The following ARRB1 variants were observed in gnomAD, a reference collection of about 807,000 sequenced individuals.
ARRB1 encodes arrestin beta 1.
ARRB1 carries 21 observed loss-of-function variants against 56.8 expected under a neutral mutation model. The observed-to-expected ratio is 0.37, with a 90% CI of 0.26 to 0.53. ARRB1 has a LOEUF of 0.53. Among genes scored for constraint, ARRB1 ranks in the 20% least tolerant of loss-of-function variants. The pLI, the probability that ARRB1 is intolerant of heterozygous loss-of-function variation, is 0.88. For synonymous variants in ARRB1, 210 were observed against 218.6 expected, an observed-to-expected ratio of 0.96 and a Z score of 0.35; for missense variants, 424 against 553.7, an observed-to-expected ratio of 0.77 and a Z score of 2.35.
intron 2 of ARRB1, among the ~76,000 whole-genome samples, chr11:75,287,685 G>A (rs573521297): frequency 2.0e-5 from 3 of 152,314 alleles, no homozygotes; most frequent in African/African-American, 4.8e-5. Flanking sequence ...GAGCAGCAGC[G>A]GCAGAGAAGC....
chr11:75,334,150 T>C (rs1947564667), intron 1 of ARRB1, among the ~76,000 whole-genome samples: 2 of 151,964 alleles, frequency 1.3e-5, no homozygotes, highest in Non-Finnish European at 2.9e-5. Context: ...ACCAACATGG[T>C]GAAACCTCAT....
At chr11:75,311,667 A>G (rs1336392412) in intron 1 of ARRB1, among the ~76,000 whole-genome samples, 3 of 152,212 alleles carry the variant, frequency 2.0e-5, no homozygotes, top group Non-Finnish European at 4.4e-5. Flanking sequence ...CCTGCCACAC[A>G]CAGGCAAACA....
In ARRB1 at chr11:75,263,167, C is replaced by T. The variant is rs1945836466; in HGVS notation, c.*2996G>A. ...TGGTGCCTGGGGCCTAGTGAGGCTC[C>T]CCCACCCCTAGTTTCACTTCAAGGT... is the stretch of plus-strand genomic sequence containing the variant. On this transcript the variant is annotated 3_prime_UTR_variant, in exon 16 of 16. Coordinates refer to ENST00000420843, the MANE Select transcript of ARRB1 (RefSeq NM_004041.5). Among the ~76,000 whole-genome samples the T allele has an allele frequency of 6.6e-6, 1 of 152,182 alleles. No individual in the cohort carries two copies. The highest frequency in any genetic ancestry group is 1.9e-4 in the East Asian group (1 of 5,192).
At chr11:75,290,420 C>T (rs987408628) in intron 1 of ARRB1, among the ~76,000 whole-genome samples, 5 of 152,194 alleles carry the variant, frequency 3.3e-5, no homozygotes, top group South Asian at 2.1e-4. Flanking sequence ...TCTCCAGCCA[C>T]ATCTACCCCC....
At chr11:75,266,967 T>C (rs960953811) in intron 15 of ARRB1, among the ~76,000 whole-genome samples, 2 of 152,172 alleles carry the variant, frequency 1.3e-5, no homozygotes, top group Non-Finnish European at 2.9e-5. Flanking sequence ...CGAGTTCCCT[T>C]CTACCATGAA....
chr11:75,273,065 C>T (rs1946106759), intron 11 of ARRB1, 87 bp from the exon 12 acceptor site: 6 of 1,127,526 alleles, frequency 5.3e-6, no homozygotes, highest in Middle Eastern at 1.9e-4. Flanking sequence ...GGGCAGTGGC[C>T]GTCCATCCCC....
rs1947852508 is a variant in ARRB1 at position 75,351,593 on chromosome 11, C to G, written c.15G>C (p.Gly5=). The G allele has an allele frequency of 1.4e-6, 2 of 1,469,384 alleles. No homozygotes were observed. Among genetic ancestry groups the G allele is most frequent in the Non-Finnish European group, 1.8e-6 (2 of 1,115,392 alleles). The allele number at this position is 1,469,384 out of a possible 1,614,324, so 91.0% of individuals were successfully genotyped here. MGDK[G]TRVFKKASPN... The stretch of plus-strand genomic sequence containing the variant: ...GGCGGCCGCCCTGCACTCACCGGGT[C>G]CCTTTGTCGCCCATGGTCCGCGACG... Residue 5 remains glycine, a synonymous_variant, in exon 1 of 16, where the codon GGG becomes GGC. Transcript: ENST00000420843.
rs942641267 is a variant in ARRB1 at position 75,261,186 on chromosome 11, G to T, written c.*4977C>A. ...GAAAAACCATCAACTATGTACGTGT[G>T]TGTGTGTGTGTGTGTGTGTGTGTGT... On this transcript the variant is annotated 3_prime_UTR_variant, in exon 16 of 16. Coordinates refer to ENST00000420843, the MANE Select transcript of ARRB1 (RefSeq NM_004041.5). 2.0e-4 allele frequency: 19 copies of T among 92,966 alleles called. No homozygotes were observed. Among genetic ancestry groups the T allele is most frequent in the African/African-American group, 9.6e-4 (18 of 18,666 alleles). The allele number at this position is 92,966 out of a possible 1,614,324, so 5.8% of individuals were successfully genotyped here.
Position 75,272,894 on chromosome 11 carries a change from C to G in ARRB1, c.998+1G>C. On this transcript the variant is annotated splice_donor_variant, in intron 12 of 15. Transcript: ENST00000420843. LOFTEE classifies it high-confidence loss of function. Reference sequence around the variant, plus strand: ...GTCTTGGGCTTGGCTGGAGCACTCACCCGCCCCGAGACACCACCAGCTTCA... The same window carrying G: ...GTCTTGGGCTTGGCTGGAGCACTCAGCCGCCCCGAGACACCACCAGCTTCA... The G allele has an allele frequency of 1.2e-6, 2 of 1,613,990 alleles. No homozygotes were observed. Among genetic ancestry groups the G allele is most frequent in the Non-Finnish European group, 1.7e-6 (2 of 1,179,940 alleles).
At chr11:75,297,863 T>TTAAAAA (rs1946794240) in intron 1 of ARRB1, among the ~76,000 whole-genome samples, 1 of 702 alleles carries the variant, frequency 1.4e-3, no homozygotes, top group Non-Finnish European at 2.2e-3. Context: ...AGACTTTGTC[T>TTAAAAA]CAAAAAAAAA....
chr11:75,275,183 G>A (rs537850341), intron 10 of ARRB1, among the ~76,000 whole-genome samples: 48 of 111,112 alleles, frequency 4.3e-4, no homozygotes, highest in African/African-American at 1.7e-3. Flanking sequence ...GTCTTGCTCT[G>A]TCGCCCAGGC....
chr11:75,351,152 A>T (rs1459171907), intron 1 of ARRB1, among the ~76,000 whole-genome samples: 2 of 152,216 alleles, frequency 1.3e-5, no homozygotes, highest in African/African-American at 4.8e-5. Flanking sequence ...TGTGCATGCC[A>T]ACAAGGCTGT....
At chr11:75,294,691 A>T (rs1473216276) in intron 1 of ARRB1, among the ~76,000 whole-genome samples, 1 of 152,178 alleles carries the variant, frequency 6.6e-6, no homozygotes, top group Non-Finnish European at 1.5e-5. Flanking sequence ...TATAATAGAC[A>T]TTACTATATT....
intron 1 of ARRB1, among the ~76,000 whole-genome samples, chr11:75,326,426 T>C (rs1038571827): frequency 4.6e-4 from 70 of 152,348 alleles, no homozygotes; most frequent in African/African-American, 1.6e-3. Flanking sequence ...AATGGAAACA[T>C]TAAGATTCCC....
At position 75,265,955 on chromosome 11, in the gene ARRB1, G is replaced by A; in HGVS notation, c.*208C>T. ...GAGTGGAGATGGCAGAGATGGGGTG[G>A]AGCCAGTGCGCTGTGGTCCTGTTGG... On this transcript the variant is annotated 3_prime_UTR_variant, in exon 16 of 16. Coordinates refer to ENST00000420843, the MANE Select transcript of ARRB1 (RefSeq NM_004041.5). 1.7e-6 allele frequency: 1 copy of A among 578,336 alleles called. No homozygotes were observed. Among genetic ancestry groups the A allele is most frequent in the Non-Finnish European group, 3.1e-6 (1 of 322,992 alleles). The allele number at this position is 578,336 out of a possible 1,614,324, so 35.8% of individuals were successfully genotyped here.
intron 1 of ARRB1, among the ~76,000 whole-genome samples, chr11:75,324,252 T>C (rs1036431657): frequency 2.0e-4 from 30 of 152,296 alleles, no homozygotes; most frequent in African/African-American, 7.0e-4. Context: ...TAGGGGAACA[T>C]AGCACCAGCA....
chr11:75,317,957 A>C (rs570099142), intron 1 of ARRB1, among the ~76,000 whole-genome samples: 1 of 152,094 alleles, frequency 6.6e-6, no homozygotes, highest in South Asian at 2.1e-4. Flanking sequence ...ATGTCAAGAC[A>C]AAGTCCTGAC....
intron 1 of ARRB1, among the ~76,000 whole-genome samples, chr11:75,300,870 A>C (rs1300253356): frequency 3.4e-5 from 5 of 148,378 alleles, no homozygotes; most frequent in Non-Finnish European, 5.9e-5. Flanking sequence ...CGGGAGGCTG[A>C]GGCAGGAGAA....
At chr11:75,335,766 A>G (rs563012839) in intron 1 of ARRB1, among the ~76,000 whole-genome samples, 2 of 152,292 alleles carry the variant, frequency 1.3e-5, no homozygotes, top group South Asian at 4.1e-4. Context: ...GGGCTGCCCT[A>G]TTAAGAACCC....
Sources: gnomAD v4.1 joint callset for allele counts (sites outside exome capture counted in the v4.1 genomes callset) on GRCh38, gnomAD v4.1.1 for gene constraint, MANE v1.5 for transcripts, NCBI Gene and HGNC (gene_info 2026-07-23, HGNC 2026-07-21) for gene names.